The following ZFP62 variants were observed in gnomAD, a reference collection of about 807,000 sequenced individuals.
The protein encoded by ZFP62 is zinc finger protein 62 homolog.
A neutral mutation model predicts 56.4 loss-of-function variants in ZFP62; 44 were observed. The observed-to-expected ratio is 0.78, with a 90% CI of 0.61 to 1.00. The LOEUF is 1.00. Ranked by LOEUF, ZFP62 falls within the 50% of genes least tolerant of loss-of-function variation. The pLI is 0.00. For missense variants in ZFP62, 1,030 were observed against 1,085.7 expected, an observed-to-expected ratio of 0.95 and a Z score of 0.72; for synonymous variants, 421 against 388.9, an observed-to-expected ratio of 1.08 and a Z score of -0.97.
chr5:180,831,061 T>TA, the ZFP62 span: 1 of 152,448 alleles, frequency 6.6e-6, no homozygotes, highest in African/African-American at 2.4e-5. Context: ...GCCAGGAACT[T>TA]ACTGGGGCTG....
downstream of ZFP62, among the ~76,000 whole-genome samples, chr5:180,843,400 AAAGT>A (rs1365197027): frequency 7.2e-5 from 11 of 152,308 alleles, no homozygotes; most frequent in South Asian, 2.1e-4. Context: ...TGATCCTGTT[AAAGT>A]AAGTTATCAG....
chr5:180,847,823 C>A lies in ZFP62; in HGVS notation c.*969G>T. ...ATTATTAAGAAACATTAATTTCCTT[C>A]TCTCTAGATGACTGGTACTTTAGCT... is the stretch of plus-strand genomic sequence containing the variant. On this transcript the variant is annotated 3_prime_UTR_variant, in exon 2 of 2. Transcript: ENST00000502412. 2.0e-6 allele frequency: 2 copies of A among 985,436 alleles called. No homozygotes were observed. The highest frequency in any genetic ancestry group is 2.4e-6 in the Non-Finnish European group (2 of 829,914). 61.0% of individuals were successfully genotyped at this position (985,436 alleles called of 1,614,324 possible). A position where few individuals can be genotyped will look rare whatever the true frequency, so the allele number is the denominator to read the frequency against.
At position 180,851,199 on chromosome 5, in the gene ZFP62, T is replaced by C. The variant is rs1426350252; in HGVS notation, c.296A>G (p.Gln99Arg). 1 of 1,551,740 alleles carries C rather than the reference T, an allele frequency of 6.4e-7. No homozygotes were observed. The highest frequency in any genetic ancestry group is 8.7e-7 in the Non-Finnish European group (1 of 1,147,002). The stretch of plus-strand genomic sequence containing the variant: ...AGGCATAGTCTGGTGTGTGATATGC[T>C]GTGGGCTCAGATGCAAGCTCTTCTC... ...ASEKSLHLSPQHITHQTMPIG... is the reference protein window; with the variant it reads ...ASEKSLHLSPRHITHQTMPIG... Residue 99 changes from glutamine (Q) to arginine (R), a missense_variant, in exon 2 of 2, where the codon CAG (glutamine) becomes CGG (arginine). Transcript: ENST00000502412.
chr5:180,828,104 G>C, the ZFP62 span, among the ~76,000 whole-genome samples: 1 of 152,004 alleles, frequency 6.6e-6, no homozygotes, highest in African/African-American at 2.4e-5. Context: ...TCCATATGCT[G>C]AACGCTGGTT....
intron 1 of ZFP62, among the ~76,000 whole-genome samples, chr5:180,853,486 A>G (rs542798100): frequency 1.3e-5 from 2 of 152,358 alleles, no homozygotes; most frequent in South Asian, 2.1e-4. Flanking sequence ...CCGAGTATAT[A>G]GCCTTTTTAA....
Position 180,848,828 on chromosome 5 carries a change from ATTCCCTCCCTCATAGGTTCTC to A in ZFP62, c.2646_2666del (p.Lys882_Gly888del). The A allele has an allele frequency of 6.5e-7, 1 of 1,544,666 alleles. No individual in the cohort carries two copies. The highest frequency in any genetic ancestry group is 1.2e-5 in the South Asian group (1 of 83,764). On this transcript the variant is annotated inframe_deletion, in exon 2 of 2. Coordinates refer to ENST00000502412, the MANE Select transcript of ZFP62 (RefSeq NM_001172638.2). ...TCCTCATCCTGCCCCCATCCAGGGC[ATTCCCTCCCTCATAGGTTCTC>A]TTCTGGGATGTGCCACTATAACTTC...
Position 180,849,735 on chromosome 5 carries a change from T to C in ZFP62, c.1760A>G (p.Lys587Arg). Residue 587 changes from lysine (K) to arginine (R), a missense_variant, in exon 2 of 2, where the codon AAG (lysine) becomes AGG (arginine). Transcript: ENST00000502412. Reference sequence around the variant, plus strand: ...CTCACACTCGTCACACTTAAAGGGCTTCTCCCCAGGGTGTACACTTTTATG... The same window carrying C: ...CTCACACTCGTCACACTTAAAGGGCCTCTCCCCAGGGTGTACACTTTTATG... ...INHKSVHPGE[K>R]PFKCDECEKA... The C allele has an allele frequency of 6.4e-7, 1 of 1,551,908 alleles. No individual in the cohort carries two copies.
the ZFP62 span, among the ~76,000 whole-genome samples, chr5:180,829,010 T>C: frequency 6.6e-6 from 1 of 152,240 alleles, no homozygotes; most frequent in East Asian, 1.9e-4. Flanking sequence ...CTCAGCCTTA[T>C]TAGGATTGGG....
chr5:180,847,117 G>T (rs919761589), downstream of ZFP62, among the ~76,000 whole-genome samples: 1 of 152,194 alleles, frequency 6.6e-6, no homozygotes, highest in Non-Finnish European at 1.5e-5. Context: ...GAAGGAGATG[G>T]GAAACTACAT....
chr5:180,847,821 T>C lies in ZFP62; in HGVS notation c.*971A>G. 1 of 985,462 alleles carries C rather than the reference T, an allele frequency of 1.0e-6. No individual in the cohort carries two copies. The highest frequency in any genetic ancestry group is 1.7e-5 in the African/African-American group (1 of 57,370). The allele number at this position is 985,462 out of a possible 1,614,324, so 61.0% of individuals were successfully genotyped here. A position where few individuals can be genotyped will look rare whatever the true frequency, so the allele number is the denominator to read the frequency against. On this transcript the variant is annotated 3_prime_UTR_variant, in exon 2 of 2. Coordinates refer to ENST00000502412, the MANE Select transcript of ZFP62 (RefSeq NM_001172638.2). ...GGATTATTAAGAAACATTAATTTCC[T>C]TCTCTCTAGATGACTGGTACTTTAG... is the stretch of plus-strand genomic sequence containing the variant.
rs1208475216 is a variant in ZFP62, at chr5:180,850,026, G to C, written c.1469C>G (p.Ser490Cys). 5 of 1,551,744 alleles carry C rather than the reference G, an allele frequency of 3.2e-6. No individual in the cohort carries two copies. Among genetic ancestry groups the C allele is most frequent in the Admixed American group, 2.0e-5 (1 of 51,012 alleles). The change falls in exon 2 of 2, where the codon TCT becomes TGT. Residue 490 changes from serine to cysteine, a missense_variant. Coordinates refer to ENST00000502412, the MANE Select transcript of ZFP62 (RefSeq NM_001172638.2). ...GATTCCTTTGTGATTTTTAAGGCTA[G>C]AGCGTGAGATATAGGCTTTCCCACA... Reference protein sequence around the residue: ...DVCGKAYISRSSLKNHKGIHL... With the variant: ...DVCGKAYISRCSLKNHKGIHL...
chr5:180,839,341 T>C, the ZFP62 span, among the ~76,000 whole-genome samples: 1 of 152,220 alleles, frequency 6.6e-6, no homozygotes, highest in African/African-American at 2.4e-5. Flanking sequence ...TTTGTATGAA[T>C]TCCTTAAAGC....
At position 180,849,291 on chromosome 5, in the gene ZFP62, C is replaced by T; in HGVS notation, c.2204G>A (p.Gly735Glu). 6.4e-7 allele frequency: 1 copy of T among 1,552,542 alleles called. No individual in the cohort carries two copies. Among genetic ancestry groups the T allele is most frequent in the Non-Finnish European group, 8.7e-7 (1 of 1,147,400 alleles). ...GEKPFKCVEC[G>E]KSFSYSSLLS... ...GAGAGAGCTGTAACTGAAAGATTTC[C>T]CACACTCAACACACTTGAAGGGTTT... The change falls in exon 2 of 2, where the codon GGG (glycine) becomes GAG (glutamate). Residue 735 changes from glycine (G) to glutamate (E), a missense_variant. By Grantham distance (98) the Gly-to-Glu change is moderately conservative. Transcript: ENST00000502412.
the ZFP62 span, among the ~76,000 whole-genome samples, chr5:180,841,723 G>C: frequency 6.6e-6 from 1 of 152,128 alleles, no homozygotes; most frequent in African/African-American, 2.4e-5. Flanking sequence ...TATGTTCAAG[G>C]AAAATAAAGC....
Position 180,849,274 on chromosome 5 carries a change from T to C in ZFP62, c.2221A>G (p.Ser741Gly), listed in dbSNP as rs1490444689. ...CVECGKSFSY[S>G]SLLSQHKRIH... ...CTCTTGTGCTGAGAAAGGAGAGAGC[T>C]GTAACTGAAAGATTTCCCACACTCA... is the stretch of plus-strand genomic sequence containing the variant. Residue 741 changes from serine (S) to glycine (G), a missense_variant, in exon 2 of 2, where the codon AGC becomes GGC. By Grantham distance (56) the Ser-to-Gly change is moderately conservative (BLOSUM62 0). Coordinates refer to ENST00000502412, the MANE Select transcript of ZFP62 (RefSeq NM_001172638.2). The C allele has an allele frequency of 6.4e-7, 1 of 1,553,618 alleles. No individual in the cohort carries two copies. Among genetic ancestry groups the C allele is most frequent in the Admixed American group, 2.0e-5 (1 of 51,088 alleles).
chr5:180,844,769 CTT>C (rs1296063970), downstream of ZFP62, among the ~76,000 whole-genome samples: 1 of 152,138 alleles, frequency 6.6e-6, no homozygotes. Context: ...CAAAAAATAA[CTT>C]TTCTCATGTT....
chr5:180,858,747 T>C (rs1184367459), intron 1 of ZFP62, among the ~76,000 whole-genome samples: 2 of 152,066 alleles, frequency 1.3e-5, no homozygotes, highest in Non-Finnish European at 2.9e-5. Flanking sequence ...GTGTCCCTGA[T>C]GACACAAGTA....
At chr5:180,852,256 A>G (rs1164628470) in intron 1 of ZFP62, among the ~76,000 whole-genome samples, 1 of 152,144 alleles carries the variant, frequency 6.6e-6, no homozygotes, top group African/African-American at 2.4e-5. Context: ...ATGAAGCCAT[A>G]TGGAAAAAGA....
chr5:180,841,373 T>C, the ZFP62 span, among the ~76,000 whole-genome samples: 3 of 151,920 alleles, frequency 2.0e-5, no homozygotes, highest in African/African-American at 7.3e-5. Flanking sequence ...GAGGCGAGGA[T>C]TTTTTCTTTC....
Sources: gnomAD v4.1 joint callset for allele counts (sites outside exome capture counted in the v4.1 genomes callset) on GRCh38, gnomAD v4.1.1 for gene constraint, MANE v1.5 for transcripts, NCBI Gene and HGNC (gene_info 2026-07-23, HGNC 2026-07-21) for gene names.